SIAH3: variants seen among roughly 807,000 people sequenced by gnomAD.
SIAH3 encodes seven in absentia homolog 3.
Under a neutral mutation model 12.6 loss-of-function variants are expected in SIAH3, and 9 were observed. That is an observed-to-expected ratio of 0.72 (90% confidence interval 0.43 to 1.25). The LOEUF is 1.25. Ranked by LOEUF, SIAH3 falls within the 50% of genes most tolerant of loss-of-function variation. The pLI is 0.00. For synonymous variants in SIAH3, 154 were observed against 151.1 expected (o/e 1.02, Z -0.14); for missense variants, 390 against 365.4 (o/e 1.07, Z -0.55).
In SIAH3 at chr13:45,851,578, G is replaced by A. The variant is rs768394315; in HGVS notation, c.52C>T (p.Arg18Trp). The change falls in exon 1 of 2, where the codon CGG becomes TGG. Residue 18 changes from arginine (R) to tryptophan (W), a missense_variant. Transcript: ENST00000400405. ...FGAVLDLIHL[R>W]FQHYKAKRVF... ...CGTTTAGCCTTGTAGTGCTGAAACCGGAGATGAATGAGATCTAATACAGCC... is the reference window on the plus strand; with the variant it reads ...CGTTTAGCCTTGTAGTGCTGAAACCAGAGATGAATGAGATCTAATACAGCC... 13 of 1,614,184 alleles carry A rather than the reference G, an allele frequency of 8.1e-6. No individual in the cohort carries two copies. Among genetic ancestry groups the A allele is most frequent in the South Asian group, 1.1e-5 (1 of 91,082 alleles).
Position 45,783,325 on chromosome 13 carries a change from G to T in SIAH3, c.*58C>A. ...AAAAGGAGTCTGGAGTCCTGGTATTGGGAGGTCCCAGGCGTTTCCTAGGGA... is the reference window on the plus strand; with the variant it reads ...AAAAGGAGTCTGGAGTCCTGGTATTTGGAGGTCCCAGGCGTTTCCTAGGGA... On this transcript the variant is annotated 3_prime_UTR_variant, in exon 2 of 2. Transcript: ENST00000400405. The T allele has an allele frequency of 7.0e-7, 1 of 1,423,214 alleles. No individual in the cohort carries two copies. The highest frequency in any genetic ancestry group is 9.6e-7 in the Non-Finnish European group (1 of 1,037,778). 88.2% of individuals were successfully genotyped at this position (1,423,214 alleles called of 1,614,324 possible).
At chr13:45,816,640 C>T (rs1051535244) in intron 1 of SIAH3, among the ~76,000 whole-genome samples, 9 of 152,192 alleles carry the variant, frequency 5.9e-5, no homozygotes, top group Admixed American at 6.5e-5. Context: ...GCACCTTGGC[C>T]GCCTTGCTGC....
intron 1 of SIAH3, among the ~76,000 whole-genome samples, chr13:45,798,062 C>A (rs751620963): frequency 6.6e-6 from 1 of 152,156 alleles, no homozygotes; most frequent in East Asian, 1.9e-4. Context: ...AATTCTTAAG[C>A]AGAAAATGGG....
intron 1 of SIAH3, among the ~76,000 whole-genome samples, chr13:45,796,618 A>G (rs1274676955): frequency 2.6e-5 from 4 of 152,246 alleles, no homozygotes; most frequent in Non-Finnish European, 5.9e-5. Context: ...GGAGTGGCAC[A>G]GGCCTTGCCC....
At chr13:45,799,959 T>C (rs1464081825) in intron 1 of SIAH3, among the ~76,000 whole-genome samples, 2 of 152,256 alleles carry the variant, frequency 1.3e-5, no homozygotes, top group Non-Finnish European at 2.9e-5. Context: ...ATCTTCTAGA[T>C]GATCCACATC....
intron 1 of SIAH3, among the ~76,000 whole-genome samples, chr13:45,835,745 A>G (rs897704243): frequency 1.3e-5 from 2 of 152,162 alleles, no homozygotes; most frequent in African/African-American, 4.8e-5. Context: ...CTGGCTCAGA[A>G]ACTTAACACT....
chr13:45,787,878 G>A (rs1950533446), intron 1 of SIAH3, among the ~76,000 whole-genome samples: 1 of 152,152 alleles, frequency 6.6e-6, no homozygotes, highest in Non-Finnish European at 1.5e-5. Flanking sequence ...CTCAGAATGG[G>A]GCCAGCAGCA....
intron 1 of SIAH3, among the ~76,000 whole-genome samples, chr13:45,786,091 C>T (rs1429841506): frequency 6.6e-6 from 1 of 152,182 alleles, no homozygotes; most frequent in African/African-American, 2.4e-5. Flanking sequence ...CTGCTGGTGG[C>T]ATGGACCATT....
chr13:45,839,628 C>G (rs996953635), intron 1 of SIAH3, among the ~76,000 whole-genome samples: 4 of 151,570 alleles, frequency 2.6e-5, no homozygotes, highest in Non-Finnish European at 5.9e-5. Flanking sequence ...GTCAGGAGAT[C>G]AAGACCATCC....
At chr13:45,849,253 A>C (rs1239692294) in intron 1 of SIAH3, among the ~76,000 whole-genome samples, 1 of 152,218 alleles carries the variant, frequency 6.6e-6, no homozygotes, top group African/African-American at 2.4e-5. Context: ...TCCTCTGAGC[A>C]AAATCCATAA....
At chr13:45,803,397 A>G (rs935970406) in intron 1 of SIAH3, among the ~76,000 whole-genome samples, 6 of 152,202 alleles carry the variant, frequency 3.9e-5, no homozygotes. Flanking sequence ...GTTGGCTGGA[A>G]AATAGACAAC....
At chr13:45,790,447 G>C (rs908652472) in intron 1 of SIAH3, among the ~76,000 whole-genome samples, 1 of 152,034 alleles carries the variant, frequency 6.6e-6, no homozygotes, top group African/African-American at 2.4e-5. Flanking sequence ...AGCCACAAGG[G>C]AAGGAATAAG....
chr13:45,836,282 C>T (rs1355423534), intron 1 of SIAH3, among the ~76,000 whole-genome samples: 2 of 152,136 alleles, frequency 1.3e-5, no homozygotes, highest in Non-Finnish European at 2.9e-5. Flanking sequence ...TCACTGTTTA[C>T]AATAGCAAAG....
At chr13:45,793,429 G>T (rs578127074) in intron 1 of SIAH3, among the ~76,000 whole-genome samples, 1 of 152,278 alleles carries the variant, frequency 6.6e-6, no homozygotes, top group East Asian at 1.9e-4. Flanking sequence ...TCCTTCAGGG[G>T]TTCCTTATTC....
intron 1 of SIAH3, among the ~76,000 whole-genome samples, chr13:45,815,003 A>C (rs1950629377): frequency 6.6e-6 from 1 of 151,892 alleles, no homozygotes; most frequent in South Asian, 2.1e-4. Flanking sequence ...GATTACAGGC[A>C]TGAGCCACCA....
intron 1 of SIAH3, among the ~76,000 whole-genome samples, chr13:45,810,128 A>T (rs994239214): frequency 1.5e-4 from 23 of 152,190 alleles, no homozygotes; most frequent in Non-Finnish European, 4.4e-5. Flanking sequence ...CCCACAGCCA[A>T]CATTCTGGAC....
chr13:45,835,699 T>C (rs1228606090), intron 1 of SIAH3, among the ~76,000 whole-genome samples: 1 of 152,168 alleles, frequency 6.6e-6, no homozygotes, highest in East Asian at 1.9e-4. Flanking sequence ...CTAAACCTTA[T>C]ATATCATCTA....
intron 1 of SIAH3, among the ~76,000 whole-genome samples, chr13:45,786,376 T>C (rs959710058): frequency 6.6e-6 from 1 of 152,202 alleles, no homozygotes. Flanking sequence ...GTTTGTCTTA[T>C]AAATGAAGAA....
chr13:45,806,623 T>C (rs1481213696), intron 1 of SIAH3, among the ~76,000 whole-genome samples: 1 of 152,146 alleles, frequency 6.6e-6, no homozygotes, highest in Non-Finnish European at 1.5e-5. Flanking sequence ...CGTGCTATGC[T>C]CACTACCTGG....
Sources: allele counts gnomAD v4.1 joint callset (sites outside exome capture counted in the v4.1 genomes callset), GRCh38; gene constraint gnomAD v4.1.1; transcripts MANE v1.5; gene names NCBI Gene and HGNC (gene_info 2026-07-23, HGNC 2026-07-21).